SHISA9: variants seen among roughly 807,000 people sequenced by gnomAD.
SHISA9 encodes the protein shisa family member 9, also known as protein shisa-9.
Under a neutral mutation model 38.0 loss-of-function variants are expected in SHISA9, and 13 were observed. The observed-to-expected ratio is 0.34, with a 90% CI of 0.22 to 0.54. The LOEUF (loss-of-function observed/expected upper bound fraction) is 0.54, where lower values mean the gene tolerates loss of function less well. SHISA9 is among the 20% of genes least tolerant of loss of function. SHISA9 has a pLI of 0.91. For missense variants in SHISA9, 538 were observed against 575.8 expected, an observed-to-expected ratio of 0.93 and a Z score of 0.67; for synonymous variants, 275 against 242.0, an observed-to-expected ratio of 1.14 and a Z score of -1.27.
chr16:13,497,788 A>G, the SHISA9 span, among the ~76,000 whole-genome samples: 1 of 152,174 alleles, frequency 6.6e-6, no homozygotes, highest in Non-Finnish European at 1.5e-5. Flanking sequence ...AGACAGATAC[A>G]TGAAACATAA....
At chr16:12,946,598 A>G (rs2071691127) in intron 2 of SHISA9, among the ~76,000 whole-genome samples, 1 of 152,204 alleles carries the variant, frequency 6.6e-6, no homozygotes, top group Non-Finnish European at 1.5e-5. Context: ...TGTAACACCA[A>G]GTTGGTCCTG....
intron 2 of SHISA9, among the ~76,000 whole-genome samples, chr16:13,051,986 A>C (rs982916263): frequency 1.2e-4 from 18 of 152,108 alleles, no homozygotes; most frequent in African/African-American, 4.3e-4. Context: ...GCTGGTCTCG[A>C]ACTCCTGACC....
At chr16:13,291,098 T>TG in the SHISA9 span, among the ~76,000 whole-genome samples, 1 of 152,150 alleles carries the variant, frequency 6.6e-6, no homozygotes, top group Non-Finnish European at 1.5e-5. Context: ...GGCTGCTGTG[T>TG]GGGGTACTTT....
chr16:13,441,336 T>G, the SHISA9 span, among the ~76,000 whole-genome samples: 1 of 152,208 alleles, frequency 6.6e-6, no homozygotes, highest in South Asian at 2.1e-4. Context: ...GAATGGAAAT[T>G]TGTGCACCTA....
At chr16:13,036,870 C>CA (rs1473094220) in intron 2 of SHISA9, among the ~76,000 whole-genome samples, 1 of 151,956 alleles carries the variant, frequency 6.6e-6, no homozygotes, top group Non-Finnish European at 1.5e-5. Flanking sequence ...AAATGCAGCT[C>CA]AAAAAACCCT....
rs551538973 is a variant in SHISA9 at position 13,207,481 on chromosome 16, G to T, written c.847+3932G>T. ...GTCTTTGACAAGAATAAAAAAAAAA[G>T]GAATAGCTTGGTTGTAAGGAAGCAC... is the stretch of plus-strand genomic sequence containing the variant. On this transcript the variant is annotated intron_variant, in intron 3 of 4. Transcript: ENST00000558583. 1.3e-3 allele frequency among the ~76,000 whole-genome samples: 192 copies of T among 152,116 alleles called. 1 individual carries two copies. Among genetic ancestry groups the T allele is most frequent in the African/African-American group, 4.5e-3 (186 of 41,492 alleles).
intron 2 of SHISA9, among the ~76,000 whole-genome samples, chr16:13,127,086 T>G (rs1596666750): frequency 8.9e-6 from 1 of 111,896 alleles, no homozygotes; most frequent in African/African-American, 3.6e-5. Context: ...GAGAGACAGC[T>G]GAGGGAAGGA....
At chr16:13,544,414 GTT>G in the SHISA9 span, among the ~76,000 whole-genome samples, 20,931 of 130,128 alleles carry the variant, frequency 0.16, 1,762 homozygotes, top group African/African-American at 0.22. Context: ...GTTTTTTCGG[GTT>G]TTTTTTTTTC....
chr16:13,433,398 A>G, the SHISA9 span, among the ~76,000 whole-genome samples: 1 of 152,258 alleles, frequency 6.6e-6, no homozygotes, highest in Non-Finnish European at 1.5e-5. Flanking sequence ...TAAAGTACTT[A>G]GAAAAATGTA....
chr16:13,310,210 A>G, the SHISA9 span, among the ~76,000 whole-genome samples: 1 of 152,142 alleles, frequency 6.6e-6, no homozygotes, highest in Admixed American at 6.5e-5. Flanking sequence ...TAAATGCCAA[A>G]TCAAGAGAAA....
At chr16:12,948,344 TACTC>T (rs913596272) in intron 2 of SHISA9, among the ~76,000 whole-genome samples, 4 of 152,190 alleles carry the variant, frequency 2.6e-5, no homozygotes, top group African/African-American at 7.2e-5. Flanking sequence ...AAGGAGGACT[TACTC>T]ACCCTGGAAA....
the SHISA9 span, among the ~76,000 whole-genome samples, chr16:13,496,378 TAACTC>T: frequency 1.4e-4 from 21 of 152,252 alleles, no homozygotes; most frequent in African/African-American, 3.4e-4. Context: ...AGGCACTTGA[TAACTC>T]AACCGTCATA....
the SHISA9 span, among the ~76,000 whole-genome samples, chr16:13,469,949 G>C: frequency 6.6e-6 from 1 of 152,264 alleles, no homozygotes; most frequent in East Asian, 1.9e-4. Flanking sequence ...GCCACTTATT[G>C]TCATCTCTTG....
At chr16:13,381,591 G>A in the SHISA9 span, among the ~76,000 whole-genome samples, 1,653 of 152,228 alleles carry the variant, frequency 0.011, 29 homozygotes, top group African/African-American at 0.038. Context: ...TTTATTGGAC[G>A]GGTTGGGGAG....
At chr16:13,272,507 C>T in the SHISA9 span, among the ~76,000 whole-genome samples, 35 of 152,156 alleles carry the variant, frequency 2.3e-4, no homozygotes, top group African/African-American at 8.2e-4. Flanking sequence ...GTATTACAAG[C>T]GTGAGCCACT....
chr16:13,002,087 C>T (rs1456022049), intron 2 of SHISA9, among the ~76,000 whole-genome samples: 1 of 152,168 alleles, frequency 6.6e-6, no homozygotes, highest in Non-Finnish European at 1.5e-5. Context: ...ATAAAACTCC[C>T]TGGTGATTGA....
At chr16:13,559,723 C>A in the SHISA9 span, among the ~76,000 whole-genome samples, 1 of 152,184 alleles carries the variant, frequency 6.6e-6, no homozygotes, top group East Asian at 1.9e-4. Context: ...ACTATATTTC[C>A]AGCACCTTAC....
chr16:13,144,169 T>G (rs984532927), intron 2 of SHISA9, among the ~76,000 whole-genome samples: 75 of 151,634 alleles, frequency 4.9e-4, no homozygotes, highest in African/African-American at 1.8e-3. Context: ...TTTTTTTTTT[T>G]TTTTAATGGA....
chr16:12,925,330 TTGTTC>T lies in SHISA9; in HGVS notation c.691+8520_691+8524del, dbSNP rs1186526743. On this transcript the variant is annotated intron_variant, in intron 2 of 4. Transcript: ENST00000558583. ...CTTTCCACTTAAAACACATGAGCTT[TTGTTC>T]TGTTAGGAATTACTGATTATTTTGT... 4.6e-5 allele frequency among the ~76,000 whole-genome samples: 7 copies of T among 152,304 alleles called. 1 individual carries two copies. Among genetic ancestry groups the T allele is most frequent in the African/African-American group, 1.7e-4 (7 of 41,564 alleles).
Sources: gnomAD v4.1 joint callset for allele counts (sites outside exome capture counted in the v4.1 genomes callset) on GRCh38, gnomAD v4.1.1 for gene constraint, MANE v1.5 for transcripts, NCBI Gene and HGNC (gene_info 2026-07-23, HGNC 2026-07-21) for gene names.